Variants in EMC2 observed in about 807,000 individuals in gnomAD.
The protein encoded by EMC2 is TPR repeat protein 35.
EMC2 carries 37 observed loss-of-function variants against 51.6 expected under a neutral mutation model. The ratio of observed to expected loss-of-function variants is 0.72; its 90% CI spans 0.55 to 0.94. The LOEUF (loss-of-function observed/expected upper bound fraction) is 0.94. EMC2 is among the 40% of genes least tolerant of loss of function. The pLI is 0.00. For synonymous variants in EMC2, 131 were observed against 112.4 expected (o/e 1.17, Z -1.04); for missense variants, 359 against 350.9 (o/e 1.02, Z -0.18).
chr8:108,447,396 C>T (rs1447259126), intron 1 of EMC2, among the ~76,000 whole-genome samples: 2 of 152,164 alleles, frequency 1.3e-5, no homozygotes, highest in Admixed American at 6.5e-5. Flanking sequence ...CAACAGCCTG[C>T]AGCCAATCTG....
At chr8:108,459,161 A>G (rs904669307) in intron 5 of EMC2, among the ~76,000 whole-genome samples, 3 of 152,180 alleles carry the variant, frequency 2.0e-5, no homozygotes, top group South Asian at 2.1e-4. Flanking sequence ...CCGTATCATT[A>G]GCATTTTGGG....
chr8:108,479,164 T>G, intron 10 of EMC2, 54 bp downstream of exon 10: 4 of 1,066,172 alleles, frequency 3.8e-6, no homozygotes, highest in Non-Finnish European at 5.4e-6. Context: ...ATTTCTTAGT[T>G]TTGTTACTAC....
intron 10 of EMC2, among the ~76,000 whole-genome samples, chr8:108,485,440 A>ATAC (rs1811116906): frequency 1.4e-5 from 2 of 146,132 alleles, no homozygotes; most frequent in Non-Finnish European, 3.0e-5. Flanking sequence ...CATAATATAT[A>ATAC]ATTAATATAT....
At chr8:108,451,947 C>T (rs1490913442) in intron 3 of EMC2, among the ~76,000 whole-genome samples, 1 of 152,120 alleles carries the variant, frequency 6.6e-6, no homozygotes, top group African/African-American at 2.4e-5. Flanking sequence ...AAATTTCAGC[C>T]ACAAACTTTG....
intron 7 of EMC2, among the ~76,000 whole-genome samples, chr8:108,473,612 A>C (rs531759587): frequency 1.0e-3 from 158 of 152,158 alleles, no homozygotes; most frequent in African/African-American, 3.6e-3. Context: ...AGTATTATAC[A>C]TTAATTATGA....
At chr8:108,476,732 T>C (rs1252663303) in intron 8 of EMC2, 50 bp from the exon 9 acceptor site, 1 of 816,932 alleles carries the variant, frequency 1.2e-6, no homozygotes, top group South Asian at 1.4e-5. Flanking sequence ...CCATGCTATA[T>C]TTCAAAGTAG....
In EMC2 at chr8:108,469,865, GGGAAAAATGT is replaced by G; in HGVS notation, c.407_416del (p.Lys136ArgfsTer6). On this transcript the variant is annotated frameshift_variant, in exon 6 of 11. Transcript: ENST00000220853. LOFTEE classifies it high-confidence loss of function. Reference sequence around the variant, plus strand: ...TAAGATTGCCATTCGAAAAGCCCAGGGGAAAAATGTGGAGGCCATTCGGGAGCTGAATGAG... The same window carrying G: ...TAAGATTGCCATTCGAAAAGCCCAGGGGAGGCCATTCGGGAGCTGAATGAG... 6.2e-7 allele frequency: 1 copy of G among 1,613,556 alleles called. No homozygotes were observed. Among genetic ancestry groups the G allele is most frequent in the Non-Finnish European group, 8.5e-7 (1 of 1,179,586 alleles).
chr8:108,453,001 C>T (rs1819064024), intron 3 of EMC2, 61 bp from the exon 4 acceptor site: 1 of 796,352 alleles, frequency 1.3e-6, no homozygotes, highest in South Asian at 1.8e-5. Context: ...CTATATAGGC[C>T]ATCCATTGTA....
At chr8:108,462,534 T>C (rs377733481) in intron 5 of EMC2, among the ~76,000 whole-genome samples, 1 of 152,274 alleles carries the variant, frequency 6.6e-6, no homozygotes, top group East Asian at 1.9e-4. Context: ...GATTTTAAAT[T>C]TTGATTGATG....
intron 5 of EMC2, among the ~76,000 whole-genome samples, chr8:108,459,673 A>G (rs903638661): frequency 3.4e-5 from 5 of 148,528 alleles, no homozygotes; most frequent in African/African-American, 5.0e-5. Context: ...ATTCAAGATG[A>G]GATTTGGGTG....
At position 108,486,638 on chromosome 8, in the gene EMC2, C is replaced by A. The variant is rs760381978; in HGVS notation, c.*40C>A. On this transcript the variant is annotated 3_prime_UTR_variant, in exon 11 of 11. Coordinates refer to ENST00000220853, the MANE Select transcript of EMC2 (RefSeq NM_014673.5). ...TTTGACATTAGATTTCACAACTGCA[C>A]AATTGAACTTATTGGCCTGTAACTT... The A allele has an allele frequency of 1.9e-6, 3 of 1,548,764 alleles. No homozygotes were observed. Among genetic ancestry groups the A allele is most frequent in the Non-Finnish European group, 2.6e-6 (3 of 1,147,824 alleles).
At chr8:108,451,424 TATC>T (rs1819019156) in intron 3 of EMC2, among the ~76,000 whole-genome samples, 1 of 152,066 alleles carries the variant, frequency 6.6e-6, no homozygotes, top group African/African-American at 2.4e-5. Context: ...ATGTTGTTCC[TATC>T]ATCTTGAATT....
intron 10 of EMC2, 37 bp from the exon 11 acceptor site, chr8:108,486,475 G>A (rs1482998470): frequency 2.7e-6 from 4 of 1,483,198 alleles, no homozygotes; most frequent in South Asian, 1.4e-5. Flanking sequence ...CACTGAAATT[G>A]AGCCTAATTG....
At chr8:108,465,697 A>G (rs574481980) in intron 5 of EMC2, among the ~76,000 whole-genome samples, 1 of 152,356 alleles carries the variant, frequency 6.6e-6, no homozygotes, top group South Asian at 2.1e-4. Flanking sequence ...AAGGCTGCAG[A>G]CAAATTATAT....
intron 6 of EMC2, 56 bp from the exon 7 acceptor site, chr8:108,470,006 G>T (rs1182673941): frequency 5.2e-6 from 8 of 1,548,372 alleles, no homozygotes; most frequent in African/African-American, 1.4e-5. Flanking sequence ...TTGTTTTCAT[G>T]CTGTTCATTT....
At chr8:108,472,455 T>A (rs1330668457) in intron 7 of EMC2, among the ~76,000 whole-genome samples, 1 of 151,370 alleles carries the variant, frequency 6.6e-6, no homozygotes, top group Non-Finnish European at 1.5e-5. Context: ...TTAGAGAAAA[T>A]GATAATTATG....
chr8:108,449,968 C>CA (rs1818977237), intron 2 of EMC2, 32 bp downstream of exon 2: 1 of 826,302 alleles, frequency 1.2e-6, no homozygotes, highest in Non-Finnish European at 1.9e-6. Context: ...AGGCTCAGTA[C>CA]ATGCCTCATT....
chr8:108,470,290 T>G (rs1810829393), intron 7 of EMC2, among the ~76,000 whole-genome samples, 169 bp downstream of exon 7: 1 of 152,188 alleles, frequency 6.6e-6, no homozygotes. Flanking sequence ...AGTAATTCAC[T>G]GGTCATAATA....
At chr8:108,476,631 T>C (rs1810951693) in intron 8 of EMC2, 151 bp from the exon 9 acceptor site, 1 of 445,320 alleles carries the variant, frequency 2.2e-6, no homozygotes, top group African/African-American at 2.0e-5. Context: ...TAGATTAGCT[T>C]TAAAAACCTT....
Sources: allele counts gnomAD v4.1 joint callset (sites outside exome capture counted in the v4.1 genomes callset), GRCh38; gene constraint gnomAD v4.1.1; transcripts MANE v1.5; gene names NCBI Gene and HGNC (gene_info 2026-07-23, HGNC 2026-07-21).